PCDHGA2: variants seen among roughly 807,000 people sequenced by gnomAD.
The protein encoded by PCDHGA2 is protocadherin gamma-A2.
In PCDHGA2, 40 loss-of-function variants were observed where a neutral mutation model predicts 59.2. That is an observed-to-expected ratio of 0.68 (90% CI 0.52 to 0.88). The LOEUF (loss-of-function observed/expected upper bound fraction) is 0.88, where lower values mean the gene tolerates loss of function less well. PCDHGA2 is among the 40% of genes least tolerant of loss of function. The pLI, the probability that PCDHGA2 is intolerant of heterozygous loss-of-function variation, is 0.00. For missense variants in PCDHGA2, 1,226 were observed against 1,204.0 expected (o/e 1.02, Z -0.27); for synonymous variants, 560 against 526.0 (o/e 1.06, Z -0.89).
chr5:141,423,927 T>A, intron 1 of PCDHGA2: 1 of 1,240,434 alleles, frequency 8.1e-7, no homozygotes, highest in Non-Finnish European at 1.0e-6. Context: ...TATGCTGGTT[T>A]GGTTTGAAGT....
At chr5:141,385,401 T>C in intron 1 of PCDHGA2, 1 of 1,490,222 alleles carries the variant, frequency 6.7e-7, no homozygotes, top group Non-Finnish European at 8.9e-7. Context: ...AAACAAATGT[T>C]TTGAAAATAG....
chr5:141,366,378 A>T, intron 1 of PCDHGA2: 1 of 1,613,986 alleles, frequency 6.2e-7, no homozygotes, highest in Middle Eastern at 1.6e-4. Context: ...ACCCCCATTG[A>T]CCCTGAGGAT....
intron 1 of PCDHGA2, among the ~76,000 whole-genome samples, chr5:141,463,438 CTTTTT>C (rs71576115): frequency 7.7e-5 from 8 of 103,256 alleles, no homozygotes; most frequent in African/African-American, 2.7e-4. Flanking sequence ...TTTCCTTCTC[CTTTTT>C]TTTTTTTTTT....
In PCDHGA2 at chr5:141,413,208, A is replaced by G. The variant is rs532127106; in HGVS notation, c.2424+71813A>G. The G allele has an allele frequency of 3.5e-5, 57 of 1,612,984 alleles. No individual in the cohort carries two copies. The African/African-American group carries it at 5.2e-4, about 15-fold the overall frequency. On this transcript the variant is annotated intron_variant, in intron 1 of 3. Coordinates refer to ENST00000394576, the MANE Select transcript of PCDHGA2 (RefSeq NM_018915.4). ...CTCAAAGGAATCGCTCAAAGGAATC[A>G]AAGGATTGCAGCGGGCTGGTCCTGC... is the stretch of plus-strand genomic sequence containing the variant.
At position 141,431,496 on chromosome 5, in the gene PCDHGA2, A is replaced by C. The variant is rs1223687647; in HGVS notation, c.2425-63311A>C. On this transcript the variant is annotated intron_variant, in intron 1 of 3. Coordinates refer to ENST00000394576, the MANE Select transcript of PCDHGA2 (RefSeq NM_018915.4). This position sits in a 1 kb window ranked among gnomAD's most constrained non-coding sequence, Gnocchi z 4.8. ...AACGCACCAGCGTTTGCTCAGCCCGAGTACCGCGCGAGCGTTCCGGAGAAT... is the reference window on the plus strand; with the variant it reads ...AACGCACCAGCGTTTGCTCAGCCCGCGTACCGCGCGAGCGTTCCGGAGAAT... 5 of 1,614,020 alleles carry C rather than the reference A, an allele frequency of 3.1e-6. No individual in the cohort carries two copies. The South Asian group carries it at 4.4e-5, about 14-fold the overall frequency.
Position 141,477,710 on chromosome 5 carries a change from G to A in PCDHGA2, c.2425-17097G>A, listed in dbSNP as rs747156156. ...GCCCCTAGACTATGAGGATCGGCGG[G>A]AATTTGAATTAACAGCTCATATCAG... On this transcript the variant is annotated intron_variant, in intron 1 of 3. Transcript: ENST00000394576. This position sits in a 1 kb window ranked among gnomAD's most constrained non-coding sequence, Gnocchi z 4.9. 2.5e-6 allele frequency: 4 copies of A among 1,613,918 alleles called. No homozygotes were observed. Among genetic ancestry groups the A allele is most frequent in the Middle Eastern group, 3.3e-4 (2 of 6,062 alleles).
chr5:141,345,854 C>A lies in PCDHGA2; in HGVS notation c.2424+4459C>A, dbSNP rs529957472. On this transcript the variant is annotated intron_variant, in intron 1 of 3. Transcript: ENST00000394576. ...GCCAGAACGCCTGGCTGTCCTACCG[C>A]CTGCTCAAGGCCAGCGAGCCGGGAC... The A allele has an allele frequency of 5.4e-5, 87 of 1,613,508 alleles. No individual in the cohort carries two copies. The South Asian group carries it at 8.8e-4, about 16-fold the overall frequency.
chr5:141,459,617 A>G (rs900986636), intron 1 of PCDHGA2, among the ~76,000 whole-genome samples: 2 of 152,258 alleles, frequency 1.3e-5, no homozygotes, highest in African/African-American at 2.4e-5. Flanking sequence ...GCTTAACTTT[A>G]TAAGAAGCTG....
In PCDHGA2 at chr5:141,355,188, C is replaced by T. The variant is rs779562339; in HGVS notation, c.2424+13793C>T. On this transcript the variant is annotated intron_variant, in intron 1 of 3. Coordinates refer to ENST00000394576, the MANE Select transcript of PCDHGA2 (RefSeq NM_018915.4). ...GAAAACCGAAGCACAGGCGACTCCG[C>T]GGCGGGGTTGTAATGGCGGCGCCTC... 35 of 1,589,838 alleles carry T rather than the reference C, an allele frequency of 2.2e-5. No homozygotes were observed. In the Admixed American group the frequency reaches 2.3e-4, roughly 10 times the overall value.
At chr5:141,407,535 T>C (rs1471174995) in intron 1 of PCDHGA2, among the ~76,000 whole-genome samples, 1 of 151,840 alleles carries the variant, frequency 6.6e-6, no homozygotes, top group Non-Finnish European at 1.5e-5. Context: ...TTATTGTGCA[T>C]TGGTAACAGA....
intron 1 of PCDHGA2, among the ~76,000 whole-genome samples, chr5:141,454,353 A>G (rs2098787486): frequency 1.3e-5 from 2 of 152,238 alleles, no homozygotes; most frequent in Non-Finnish European, 2.9e-5. Context: ...AGTTGATCCA[A>G]ACTTAGAAAG....
chr5:141,443,104 C>A (rs950011995), intron 1 of PCDHGA2, among the ~76,000 whole-genome samples: 1 of 151,854 alleles, frequency 6.6e-6, no homozygotes, highest in East Asian at 1.9e-4. Flanking sequence ...TCAAGCTGAA[C>A]CTTGCTTTTC....
chr5:141,361,088 G>A (rs1413584575), intron 1 of PCDHGA2: 2 of 1,613,904 alleles, frequency 1.2e-6, no homozygotes, highest in African/African-American at 1.3e-5. Context: ...TACACTCTGA[G>A]TATCGAAGCA....
chr5:141,488,480 C>A (rs935896624), intron 1 of PCDHGA2, among the ~76,000 whole-genome samples: 6 of 152,298 alleles, frequency 3.9e-5, no homozygotes, highest in African/African-American at 1.4e-4. Flanking sequence ...GTTCCCCTAC[C>A]CAAAAACTGT....
At chr5:141,395,359 G>T in intron 1 of PCDHGA2, 2 of 1,289,368 alleles carry the variant, frequency 1.6e-6, no homozygotes, top group East Asian at 5.1e-5. Flanking sequence ...CAGAGTTTTG[G>T]GTTTATTTTG....
intron 1 of PCDHGA2, chr5:141,403,541 G>A (rs1332209242): frequency 6.2e-7 from 1 of 1,614,016 alleles, no homozygotes. Context: ...GCTGGTGCTG[G>A]AGCGCGCCCT....
intron 1 of PCDHGA2, chr5:141,384,267 C>T (rs1170671342): frequency 6.2e-7 from 1 of 1,613,862 alleles, no homozygotes; most frequent in East Asian, 2.2e-5. Context: ...CCCACTCATC[C>T]TACTCAGTCT....
At chr5:141,372,646 C>A in intron 1 of PCDHGA2, 2 of 1,614,008 alleles carry the variant, frequency 1.2e-6, no homozygotes, top group Non-Finnish European at 1.7e-6. Context: ...TTGCCTTATT[C>A]CTACAATCCG....
At chr5:141,462,813 TTGG>T (rs1474162732) in intron 1 of PCDHGA2, among the ~76,000 whole-genome samples, 1 of 152,198 alleles carries the variant, frequency 6.6e-6, no homozygotes, top group African/African-American at 2.4e-5. Flanking sequence ...AATGTTTTTA[TTGG>T]ACAGCAGACA....
Sources: allele counts gnomAD v4.1 joint callset (sites outside exome capture counted in the v4.1 genomes callset), GRCh38; gene constraint gnomAD v4.1.1; non-coding constraint Gnocchi (gnomAD v3.1); transcripts MANE v1.5; gene names NCBI Gene and HGNC (gene_info 2026-07-23, HGNC 2026-07-21).